The following MMP15 variants were observed in gnomAD, a reference collection of about 807,000 sequenced individuals.
The protein encoded by MMP15 is matrix metalloproteinase-15.
In MMP15, 36 loss-of-function variants were observed where a neutral mutation model predicts 65.0. The ratio of observed to expected loss-of-function variants is 0.55; its 90% CI spans 0.42 to 0.73. The LOEUF (loss-of-function observed/expected upper bound fraction) is 0.73. MMP15 is among the 30% of genes least tolerant of loss of function. MMP15 has a pLI of 0.00. For missense variants in MMP15, 870 were observed against 987.8 expected (o/e 0.88, Z 1.60); for synonymous variants, 428 against 410.2 (o/e 1.04, Z -0.52).
intron 1 of MMP15, among the ~76,000 whole-genome samples, chr16:58,030,659 A>C (rs41446244): frequency 4.1e-4 from 62 of 152,256 alleles, no homozygotes; most frequent in East Asian, 2.7e-3. Context: ...TCCTTCCCCT[A>C]GGAGTGACTG....
rs149217341 is a variant in MMP15 at position 58,040,732 on chromosome 16, C to T, written c.910+34C>T. On this transcript the variant is annotated intron_variant, in intron 5 of 9. Coordinates refer to ENST00000219271, the MANE Select transcript of MMP15 (RefSeq NM_002428.4). ...GCTGTGACCAGCGGGCTCTGCATGC[C>T]GCTCTCAAGTCCCTGGCCAATGAGG... 8,893 of 1,613,346 alleles carry T rather than the reference C, an allele frequency of 5.5e-3. 25 individuals are homozygous for T. The highest frequency in any genetic ancestry group is 6.6e-3 in the Non-Finnish European group (7,729 of 1,179,984).
In MMP15 at chr16:58,029,590, GC is replaced by G. The variant is rs41384249; in HGVS notation, c.162+3080del. 2.9e-3 allele frequency among the ~76,000 whole-genome samples: 446 copies of G among 152,344 alleles called. 1 individual carries two copies. The highest frequency in any genetic ancestry group is 0.01 in the African/African-American group (422 of 41,572). On this transcript the variant is annotated intron_variant, in intron 1 of 9. Coordinates refer to ENST00000219271, the MANE Select transcript of MMP15 (RefSeq NM_002428.4). ...GCCATGCCCTTCACACCCAGCCCTT[GC>G]CATGTTTCCGAGTTGGGGCTGCCCT...
rs1959378945 is a variant in MMP15, at chr16:58,038,358, C to T, written c.404C>T (p.Thr135Ile). The T allele has an allele frequency of 2.5e-6, 4 of 1,613,950 alleles. No homozygotes were observed. Among genetic ancestry groups the T allele is most frequent in the African/African-American group, 1.3e-5 (1 of 74,938 alleles). ...LRRRRKRYAL[T>I]GRKWNNHHLT... The stretch of plus-strand genomic sequence containing the variant: ...CGGCGTCGGAAGCGCTACGCCCTCA[C>T]CGGGAGGAAGTGGAACAACCACCAT... The change falls in exon 3 of 10, where the codon ACC becomes ATC. Residue 135 changes from threonine (T) to isoleucine (I), a missense_variant. Coordinates refer to ENST00000219271, the MANE Select transcript of MMP15 (RefSeq NM_002428.4).
chr16:58,037,872 C>T (rs1959367892), intron 2 of MMP15, among the ~76,000 whole-genome samples: 2 of 152,174 alleles, frequency 1.3e-5, no homozygotes, highest in South Asian at 4.1e-4. Flanking sequence ...CTGACATGGC[C>T]AGGGGAGTGT....
In MMP15 at chr16:58,039,914, G is replaced by A. The variant is rs375307074; in HGVS notation, c.480G>A (p.Ser160=). 37 of 1,609,582 alleles carry A rather than the reference G, an allele frequency of 2.3e-5. No homozygotes were observed. The highest frequency in any genetic ancestry group is 1.1e-4 in the East Asian group (5 of 44,736). ...NYTEKLGWYH[S]MEAVRRAFRV... is the part of the protein sequence containing the mutation. Reference sequence around the variant, plus strand: ...CGGAGAAGTTGGGCTGGTACCACTCGATGGAGGCGGTGCGCAGGGCCTTCC... The same window carrying A: ...CGGAGAAGTTGGGCTGGTACCACTCAATGGAGGCGGTGCGCAGGGCCTTCC... The change falls in exon 4 of 10, where the codon TCG becomes TCA. Residue 160 remains serine (S), a synonymous_variant. Coordinates refer to ENST00000219271, the MANE Select transcript of MMP15 (RefSeq NM_002428.4).
In MMP15 at chr16:58,034,265, A is replaced by G. The variant is rs141534636; in HGVS notation, c.163-3207A>G. ...TGGGATTGCGAGTCATGACCTAGGGACTCATCTGCGCCTTTTGCCCAGTGG... is the reference window on the plus strand; with the variant it reads ...TGGGATTGCGAGTCATGACCTAGGGGCTCATCTGCGCCTTTTGCCCAGTGG... On this transcript the variant is annotated intron_variant, in intron 1 of 9. Coordinates refer to ENST00000219271, the MANE Select transcript of MMP15 (RefSeq NM_002428.4). 4.7e-3 allele frequency among the ~76,000 whole-genome samples: 712 copies of G among 152,180 alleles called. 7 individuals are homozygous for G. The highest frequency in any genetic ancestry group is 0.022 in the East Asian group (112 of 5,168).
chr16:58,026,413 G>C lies in MMP15; in HGVS notation c.63G>C (p.Arg21=), dbSNP rs1166539827. Residue 21 remains arginine (R), a synonymous_variant, in exon 1 of 10, where the codon CGG becomes CGC. Coordinates refer to ENST00000219271, the MANE Select transcript of MMP15 (RefSeq NM_002428.4). ...GGACGGGCAGCCTCCTCGGCGACCGGGAGGAGGCGGCGCGGCCGCGACTGC... is the reference window on the plus strand; with the variant it reads ...GGACGGGCAGCCTCCTCGGCGACCGCGAGGAGGCGGCGCGGCCGCGACTGC... The part of the protein sequence containing the change: ...PGWTGSLLGD[R]EEAARPRLLP... 1.4e-6 allele frequency: 2 copies of C among 1,440,282 alleles called. No individual in the cohort carries two copies. The highest frequency in any genetic ancestry group is 5.6e-5 in the Admixed American group (2 of 35,936). 89.2% of individuals were successfully genotyped at this position (1,440,282 alleles called of 1,614,324 possible).
Position 58,026,494 on chromosome 16 carries a change from C to G in MMP15, c.144C>G (p.Asp48Glu). ...GCLGLGVAAE[D>E]AEVHAENWLR... The stretch of plus-strand genomic sequence containing the variant: ...TGGGCCTTGGCGTAGCGGCCGAAGA[C>G]GCGGAGGTCCATGCCGAGGTAAGAC... The change falls in exon 1 of 10, where the codon GAC (aspartate) becomes GAG (glutamate). Residue 48 changes from aspartate (D) to glutamate (E), a missense_variant. Asp to Glu is a conservative substitution (Grantham distance 45). Coordinates refer to ENST00000219271, the MANE Select transcript of MMP15 (RefSeq NM_002428.4). The G allele has an allele frequency of 1.2e-5, 16 of 1,372,750 alleles. No homozygotes were observed. The highest frequency in any genetic ancestry group is 1.5e-5 in the Non-Finnish European group (16 of 1,061,042). The allele number at this position is 1,372,750 out of a possible 1,614,324, so 85.0% of individuals were successfully genotyped here.
At chr16:58,026,575 C>G in intron 1 of MMP15, 63 bp downstream of exon 1, 1 of 1,278,784 alleles carries the variant, frequency 7.8e-7, no homozygotes, top group Non-Finnish European at 9.9e-7. Context: ...GCGCCACGTC[C>G]GCAGGCTGGG....
At chr16:58,033,327 C>T (rs1449738983) in intron 1 of MMP15, among the ~76,000 whole-genome samples, 1 of 152,244 alleles carries the variant, frequency 6.6e-6, no homozygotes, top group Non-Finnish European at 1.5e-5. Flanking sequence ...AGCCCCAGCT[C>T]CAGCCCAGAT....
intron 1 of MMP15, among the ~76,000 whole-genome samples, chr16:58,030,274 C>T (rs890800152): frequency 3.3e-5 from 5 of 152,180 alleles, no homozygotes; most frequent in African/African-American, 1.2e-4. Flanking sequence ...ACCCTGAAGG[C>T]GGCTGAATGC....
At chr16:58,041,534 G>A in intron 5 of MMP15, 83 bp from the exon 6 acceptor site, 1 of 1,450,450 alleles carries the variant, frequency 6.9e-7, no homozygotes, top group Non-Finnish European at 9.4e-7. Flanking sequence ...TTTCCGCGTG[G>A]GTGGGCCTGT....
At chr16:58,027,088 GGCGCTTTGGCGACTTTCT>G (rs1283224033) in intron 1 of MMP15, among the ~76,000 whole-genome samples, 4 of 152,238 alleles carry the variant, frequency 2.6e-5, no homozygotes, top group Non-Finnish European at 5.9e-5. Context: ...GGGTTGCGGG[GGCGCTTTGGCGACTTTCT>G]GCGCTTTTGC....
chr16:58,034,614 C>G (rs1210800430), intron 1 of MMP15, among the ~76,000 whole-genome samples: 4 of 152,180 alleles, frequency 2.6e-5, no homozygotes, highest in African/African-American at 9.7e-5. Context: ...TGGTCTGCGC[C>G]AAGGCCGTGT....
In MMP15 at chr16:58,038,334, G is replaced by A. The variant is rs147283654; in HGVS notation, c.380G>A (p.Arg127Gln). 2.2e-5 allele frequency: 36 copies of A among 1,614,046 alleles called. No individual in the cohort carries two copies. The highest frequency in any genetic ancestry group is 4.5e-5 in the East Asian group (2 of 44,872). ...GTACGAGTGAAAGCCAACCTGCGGC[G>A]GCGTCGGAAGCGCTACGCCCTCACC... ...FGVRVKANLRRRRKRYALTGR... is the reference protein window; with the variant it reads ...FGVRVKANLRQRRKRYALTGR... Residue 127 changes from arginine (R) to glutamine (Q), a missense_variant, in exon 3 of 10, where the codon CGG becomes CAG. Physicochemically the swap from Arg to Gln is conservative, Grantham distance 43. Transcript: ENST00000219271.
At chr16:58,026,660 T>C in intron 1 of MMP15, 148 bp downstream of exon 1, 1 of 904,254 alleles carries the variant, frequency 1.1e-6, no homozygotes, top group Non-Finnish European at 1.5e-6. Context: ...CTTGGCAGTC[T>C]GCCCCTCCCC....
chr16:58,044,007 G>A (rs1234911157), intron 9 of MMP15, among the ~76,000 whole-genome samples: 1 of 152,138 alleles, frequency 6.6e-6, no homozygotes, highest in East Asian at 1.9e-4. Context: ...GCCTGAGTGG[G>A]GCAGGCTTGG....
chr16:58,043,524 C>G lies in MMP15; in HGVS notation c.1467C>G (p.Phe489Leu), dbSNP rs750077054. 4.3e-6 allele frequency: 7 copies of G among 1,613,988 alleles called. No individual in the cohort carries two copies. The Admixed American group carries it at 1.0e-4, about 23-fold the overall frequency. Residue 489 changes from phenylalanine to leucine, a missense_variant, in exon 9 of 10, where the codon TTC (phenylalanine) becomes TTG (leucine). Transcript: ENST00000219271. Reference sequence around the variant, plus strand: ...CTTTTGTTCACAGGTACTGGCGCTTCAACGAGGAGACACAGCGTGGAGACC... The same window carrying G: ...CTTTTGTTCACAGGTACTGGCGCTTGAACGAGGAGACACAGCGTGGAGACC... ...FFFQEDRYWR[F>L]NEETQRGDPG... is the part of the protein sequence containing the mutation.
chr16:58,042,154 G>T, intron 6 of MMP15, 77 bp from the exon 7 acceptor site: 8 of 1,533,064 alleles, frequency 5.2e-6, no homozygotes, highest in Non-Finnish European at 7.1e-6. Flanking sequence ...CACCTGGGAA[G>T]GGGTGGTTTG....
Sources: gnomAD v4.1 joint callset for allele counts (sites outside exome capture counted in the v4.1 genomes callset) on GRCh38, gnomAD v4.1.1 for gene constraint, MANE v1.5 for transcripts, NCBI Gene and HGNC (gene_info 2026-07-23, HGNC 2026-07-21) for gene names.